SLC22A15: variants seen among roughly 807,000 people sequenced by gnomAD.
The protein encoded by SLC22A15 is flipt 1.
In SLC22A15, 45 loss-of-function variants were observed where a neutral mutation model predicts 62.7. The ratio of observed to expected loss-of-function variants is 0.72; its 90% CI spans 0.56 to 0.92. The LOEUF (loss-of-function observed/expected upper bound fraction) is 0.92, where lower values mean the gene tolerates loss of function less well. Among genes scored for constraint, SLC22A15 ranks in the 40% least tolerant of loss-of-function variants. SLC22A15 has a pLI of 0.00. For synonymous variants in SLC22A15, 264 were observed against 267.0 expected (o/e 0.99, Z 0.11); for missense variants, 622 against 665.6 (o/e 0.93, Z 0.72).
chr1:116,003,680 G>A (rs914674147), intron 2 of SLC22A15, among the ~76,000 whole-genome samples: 4 of 152,130 alleles, frequency 2.6e-5, no homozygotes, highest in African/African-American at 4.8e-5. Flanking sequence ...TTCCTGTGCC[G>A]TGTGGTATTT....
intron 8 of SLC22A15, among the ~76,000 whole-genome samples, chr1:116,052,224 C>T (rs917556056): frequency 9.2e-5 from 14 of 152,148 alleles, no homozygotes; most frequent in Admixed American, 3.3e-4. Flanking sequence ...TTCTGACGGG[C>T]TTAGGAAACC....
intron 1 of SLC22A15, among the ~76,000 whole-genome samples, chr1:115,985,595 A>T (rs2454184): frequency 0.039 from 5,932 of 150,990 alleles, 414 homozygotes; most frequent in African/African-American, 0.13. Flanking sequence ...TTTTTTTTTT[A>T]AAATTAAACC....
intron 1 of SLC22A15, among the ~76,000 whole-genome samples, chr1:115,983,887 C>A (rs1299133240): frequency 1.3e-5 from 2 of 152,158 alleles, no homozygotes; most frequent in East Asian, 3.9e-4. Flanking sequence ...AATGCAAAAA[C>A]AGCTGCTCTT....
intron 2 of SLC22A15, among the ~76,000 whole-genome samples, chr1:116,006,790 T>C (rs1173646517): frequency 6.6e-6 from 1 of 152,054 alleles, no homozygotes; most frequent in African/African-American, 2.4e-5. Flanking sequence ...TACCTCTCTG[T>C]TTCTGTTTCT....
chr1:116,058,191 T>C (rs776939612), intron 8 of SLC22A15, among the ~76,000 whole-genome samples: 6 of 151,104 alleles, frequency 4.0e-5, no homozygotes, highest in Admixed American at 1.3e-4. Flanking sequence ...ACCCACAGAG[T>C]GGGAGAAAAT....
chr1:116,058,424 T>C (rs944247070), intron 8 of SLC22A15, among the ~76,000 whole-genome samples: 1 of 152,148 alleles, frequency 6.6e-6, no homozygotes, highest in Non-Finnish European at 1.5e-5. Flanking sequence ...GATACCATCT[T>C]ACTCCTGCAA....
Position 116,046,823 on chromosome 1 carries a change from G to A in SLC22A15, c.1171+9435G>A, listed in dbSNP as rs188012509. On this transcript the variant is annotated intron_variant, in intron 8 of 11. Transcript: ENST00000369503. ...GAAGTTTCCCACCTTACCTGGAGCT[G>A]AGTCAATTAAGACAGCCAGCAAAAT... 1.1e-4 allele frequency among the ~76,000 whole-genome samples: 17 copies of A among 152,274 alleles called. No individual in the cohort carries two copies. In the East Asian group the frequency reaches 3.3e-3, roughly 29 times the overall value.
Position 116,068,854 on chromosome 1 carries a change from G to T in SLC22A15, c.*1746G>T, listed in dbSNP as rs1379147894. 3 of 152,124 alleles carry T rather than the reference G, an allele frequency of 2.0e-5. No individual in the cohort carries two copies. Among genetic ancestry groups the T allele is most frequent in the Admixed American group, 2.0e-4 (3 of 15,254 alleles). 9.4% of individuals were successfully genotyped at this position (152,124 alleles called of 1,614,324 possible). On this transcript the variant is annotated 3_prime_UTR_variant, in exon 12 of 12. Transcript: ENST00000369503. ...AGACACTTAAAAGTTATTCTTAAAT[G>T]GTGGTTGGGCATTTAAAACAGTGAA...
At chr1:116,024,130 C>G in intron 4 of SLC22A15, among the ~76,000 whole-genome samples, 1 of 152,118 alleles carries the variant, frequency 6.6e-6, no homozygotes, top group East Asian at 1.9e-4. Flanking sequence ...ATTGAGGGAT[C>G]ATTTAGTAGG....
At chr1:115,991,907 A>G in intron 1 of SLC22A15, 124 bp from the exon 2 acceptor site, 4 of 754,694 alleles carry the variant, frequency 5.3e-6, no homozygotes, top group Non-Finnish European at 6.5e-6. Flanking sequence ...TGTGGCTTAT[A>G]TCTGTAGCTC....
chr1:116,062,572 G>C (rs555391708), intron 8 of SLC22A15, among the ~76,000 whole-genome samples, 190 bp from the exon 9 acceptor site: 2 of 152,342 alleles, frequency 1.3e-5, no homozygotes, highest in Non-Finnish European at 2.9e-5. Context: ...CAAGGGTAGA[G>C]CCAAAACACT....
At chr1:116,025,634 G>A (rs917755025) in intron 4 of SLC22A15, among the ~76,000 whole-genome samples, 2 of 152,194 alleles carry the variant, frequency 1.3e-5, no homozygotes, top group Non-Finnish European at 2.9e-5. Context: ...AGGGGAGATA[G>A]AAGAGAGGAA....
intron 7 of SLC22A15, among the ~76,000 whole-genome samples, chr1:116,036,309 C>T (rs193281694): frequency 2.0e-5 from 3 of 152,272 alleles, no homozygotes; most frequent in Admixed American, 1.3e-4. Context: ...ATAAGGAAGC[C>T]GTCCATGGGG....
chr1:116,014,784 C>T (rs1238664764), intron 2 of SLC22A15, among the ~76,000 whole-genome samples: 1 of 152,150 alleles, frequency 6.6e-6, no homozygotes. Context: ...GAGAGCCACA[C>T]TTATCATATT....
At chr1:116,049,344 T>G (rs1268258536) in intron 8 of SLC22A15, among the ~76,000 whole-genome samples, 1 of 152,182 alleles carries the variant, frequency 6.6e-6, no homozygotes. Context: ...GACTATATGA[T>G]AAGCCCTAAA....
Position 116,069,945 on chromosome 1 carries a change from A to G in SLC22A15, c.*2837A>G, listed in dbSNP as rs1658579870. 1 of 152,238 alleles carries G rather than the reference A, an allele frequency of 6.6e-6. No individual in the cohort carries two copies. 9.4% of individuals were successfully genotyped at this position (152,238 alleles called of 1,614,324 possible). On this transcript the variant is annotated 3_prime_UTR_variant, in exon 12 of 12. Coordinates refer to ENST00000369503, the MANE Select transcript of SLC22A15 (RefSeq NM_018420.3). ...TAGGACTTCTCCATACAAATGCTTT[A>G]TCATTGGTTCTTAAATTGGAAAAAT... is the stretch of plus-strand genomic sequence containing the variant.
intron 4 of SLC22A15, among the ~76,000 whole-genome samples, chr1:116,025,058 C>T (rs1180226468): frequency 6.6e-6 from 1 of 151,914 alleles, no homozygotes; most frequent in Non-Finnish European, 1.5e-5. Flanking sequence ...AGGACAATAT[C>T]GAACATTTGT....
intron 1 of SLC22A15, among the ~76,000 whole-genome samples, chr1:115,988,331 C>T (rs1051378809): frequency 1.4e-4 from 22 of 151,922 alleles, no homozygotes; most frequent in African/African-American, 4.4e-4. Context: ...GAAGAACGAG[C>T]GAATATTTTT....
intron 8 of SLC22A15, among the ~76,000 whole-genome samples, chr1:116,058,875 A>T (rs535914315): frequency 6.6e-6 from 1 of 152,206 alleles, no homozygotes; most frequent in South Asian, 2.1e-4. Context: ...GGAAAACCAA[A>T]CATCGTATGT....
Sources: gnomAD v4.1 joint callset for allele counts (sites outside exome capture counted in the v4.1 genomes callset) on GRCh38, gnomAD v4.1.1 for gene constraint, MANE v1.5 for transcripts, NCBI Gene and HGNC (gene_info 2026-07-23, HGNC 2026-07-21) for gene names.